The following TMEM178B variants were observed in gnomAD, a reference collection of about 807,000 sequenced individuals.
The protein encoded by TMEM178B is transmembrane protein 178B.
Under a neutral mutation model 31.0 loss-of-function variants are expected in TMEM178B, and 5 were observed. The observed-to-expected ratio is 0.16, with a 90% CI of 0.08 to 0.34. The LOEUF is 0.34. TMEM178B is among the 10% of genes least tolerant of loss of function. TMEM178B has a pLI of 1.00. For missense variants in TMEM178B, 275 were observed against 400.3 expected (o/e 0.69, Z 2.67); for synonymous variants, 164 against 164.0 (o/e 1.00, Z 0.00).
chr7:141,279,348 T>C (rs1798316373), intron 2 of TMEM178B, among the ~76,000 whole-genome samples: 1 of 152,246 alleles, frequency 6.6e-6, no homozygotes, highest in South Asian at 2.1e-4. Context: ...CTTTATTTTA[T>C]GATAGGATGG....
chr7:141,453,347 C>A (rs778367298), intron 3 of TMEM178B, among the ~76,000 whole-genome samples: 6 of 152,326 alleles, frequency 3.9e-5, no homozygotes, highest in Middle Eastern at 3.4e-3. Flanking sequence ...GCTAAAGTGA[C>A]ATAAATTACA....
At chr7:141,364,456 C>T (rs780694244) in intron 2 of TMEM178B, among the ~76,000 whole-genome samples, 1 of 152,056 alleles carries the variant, frequency 6.6e-6, no homozygotes, top group African/African-American at 2.4e-5. Flanking sequence ...GTCAGGAGAT[C>T]GAGACCATCC....
chr7:141,258,891 C>T (rs923912711), intron 2 of TMEM178B, among the ~76,000 whole-genome samples: 7 of 152,070 alleles, frequency 4.6e-5, no homozygotes, highest in African/African-American at 1.7e-4. Context: ...TTAAGATTTT[C>T]CCTTTATCTT....
At position 141,204,345 on chromosome 7, in the gene TMEM178B, A is replaced by G. The variant is rs145262483; in HGVS notation, c.383-8246A>G. On this transcript the variant is annotated intron_variant, in intron 1 of 3. Transcript: ENST00000565468. ...ACGGGGCTGTTGCTCTCCATCTGCC[A>G]CCCCTGTCACCCCCTTAGTTGAGAG... 3.8e-3 allele frequency among the ~76,000 whole-genome samples: 585 copies of G among 152,222 alleles called. 3 individuals are homozygous for G. Among genetic ancestry groups the G allele is most frequent in the African/African-American group, 0.013 (559 of 41,524 alleles).
intron 2 of TMEM178B, among the ~76,000 whole-genome samples, chr7:141,411,326 A>T (rs552933742): frequency 3.9e-5 from 6 of 152,356 alleles, no homozygotes; most frequent in Non-Finnish European, 5.9e-5. Flanking sequence ...GAAGATGAAC[A>T]GTTCTGGAAA....
intron 1 of TMEM178B, among the ~76,000 whole-genome samples, chr7:141,159,600 G>A (rs535464124): frequency 1.3e-5 from 2 of 152,314 alleles, no homozygotes; most frequent in East Asian, 3.9e-4. Flanking sequence ...TATTCATAGA[G>A]TGGAATATTA....
chr7:141,454,593 C>T (rs1175813097), intron 3 of TMEM178B, among the ~76,000 whole-genome samples: 1 of 148,616 alleles, frequency 6.7e-6, no homozygotes, highest in Non-Finnish European at 1.5e-5. Context: ...TCTCTCCTCT[C>T]TCTCCTCTCC....
At chr7:141,342,162 G>A (rs1799526294) in intron 2 of TMEM178B, among the ~76,000 whole-genome samples, 1 of 152,080 alleles carries the variant, frequency 6.6e-6, no homozygotes. Context: ...TGACCAGGCT[G>A]GTCTCAAACT....
At chr7:141,364,983 A>G (rs1799979904) in intron 2 of TMEM178B, among the ~76,000 whole-genome samples, 1 of 152,234 alleles carries the variant, frequency 6.6e-6, no homozygotes, top group Non-Finnish European at 1.5e-5. Flanking sequence ...TGACTTATTG[A>G]TGTTGTAACT....
intron 2 of TMEM178B, among the ~76,000 whole-genome samples, chr7:141,326,397 T>C (rs1430881360): frequency 6.6e-6 from 1 of 152,222 alleles, no homozygotes; most frequent in Non-Finnish European, 1.5e-5. Flanking sequence ...ATTTGTATCT[T>C]ATTACTCATG....
intron 1 of TMEM178B, among the ~76,000 whole-genome samples, chr7:141,180,449 G>C: frequency 8.8e-6 from 1 of 113,956 alleles, no homozygotes; most frequent in Non-Finnish European, 1.7e-5. Flanking sequence ...GAGAGACAGA[G>C]AGAGAGCCCA....
intron 2 of TMEM178B, among the ~76,000 whole-genome samples, chr7:141,384,200 T>C (rs1208050544): frequency 6.6e-6 from 1 of 152,232 alleles, no homozygotes; most frequent in Admixed American, 6.5e-5. Flanking sequence ...TTTCTTTTGC[T>C]GTGCAGAAGC....
chr7:141,112,304 G>C (rs113588989), intron 1 of TMEM178B, among the ~76,000 whole-genome samples: 3 of 152,074 alleles, frequency 2.0e-5, no homozygotes, highest in African/African-American at 7.2e-5. Context: ...TCATGCTAGA[G>C]TGCAATGGCA....
intron 2 of TMEM178B, among the ~76,000 whole-genome samples, chr7:141,367,269 C>CT (rs111450654): frequency 9.3e-4 from 136 of 146,370 alleles, no homozygotes; most frequent in Admixed American, 2.7e-3. Flanking sequence ...CAGCAATTAC[C>CT]TTTTTTTTTT....
Position 141,308,159 on chromosome 7 carries a change from G to A in TMEM178B, c.496+95455G>A, listed in dbSNP as rs186756563. Among the ~76,000 whole-genome samples the A allele has an allele frequency of 9.5e-4, 145 of 152,202 alleles. 2 individuals are homozygous for A. Among genetic ancestry groups the A allele is most frequent in the Non-Finnish European group, 1.8e-3 (120 of 68,012 alleles). On this transcript the variant is annotated intron_variant, in intron 2 of 3. Coordinates refer to ENST00000565468, the MANE Select transcript of TMEM178B (RefSeq NM_001195278.2). ...AGTCACACATCAAATAAATGTCAGG[G>A]GCAGAAACAAGACTCAGATTCTCTG... is the stretch of plus-strand genomic sequence containing the variant.
intron 3 of TMEM178B, among the ~76,000 whole-genome samples, chr7:141,468,909 G>T (rs1802192548): frequency 6.6e-6 from 1 of 152,152 alleles, no homozygotes; most frequent in Non-Finnish European, 1.5e-5. Context: ...GTTGAACCGG[G>T]TGTGACATTT....
At chr7:141,245,153 G>A (rs1462408285) in intron 2 of TMEM178B, among the ~76,000 whole-genome samples, 1 of 97,770 alleles carries the variant, frequency 1.0e-5, no homozygotes, top group Admixed American at 1.5e-4. Flanking sequence ...CTGGGTGACA[G>A]AGCAAGACTC....
intron 1 of TMEM178B, among the ~76,000 whole-genome samples, chr7:141,145,934 C>G (rs971662487): frequency 3.3e-5 from 5 of 152,204 alleles, no homozygotes; most frequent in Admixed American, 2.6e-4. Context: ...TCATCTAATG[C>G]TTCTGGAAAG....
At position 141,212,722 on chromosome 7, in the gene TMEM178B, T is replaced by A; in HGVS notation, c.496+18T>A. ...TGCCCTACGTAAGTGCACCTGAGTC[T>A]CAGTGGCTGTGACTGTGCTGTGAGG... On this transcript the variant is annotated intron_variant, in intron 2 of 3. Coordinates refer to ENST00000565468, the MANE Select transcript of TMEM178B (RefSeq NM_001195278.2). 2 of 1,515,292 alleles carry A rather than the reference T, an allele frequency of 1.3e-6. No individual in the cohort carries two copies. The highest frequency in any genetic ancestry group is 1.8e-6 in the Non-Finnish European group (2 of 1,127,966). The allele number at this position is 1,515,292 out of a possible 1,614,324, so 93.9% of individuals were successfully genotyped here.
Sources: allele counts gnomAD v4.1 joint callset (sites outside exome capture counted in the v4.1 genomes callset), GRCh38; gene constraint gnomAD v4.1.1; transcripts MANE v1.5; gene names NCBI Gene and HGNC (gene_info 2026-07-23, HGNC 2026-07-21).